Variants in MAPRE3 observed in about 807,000 individuals in gnomAD.
The protein encoded by MAPRE3 is microtubule-associated protein RP/EB family member 3.
MAPRE3 carries 2 observed loss-of-function variants against 30.5 expected under a neutral mutation model. The ratio of observed to expected loss-of-function variants is 0.07; its 90% CI spans 0.03 to 0.21. The LOEUF is 0.21. Ranked by LOEUF, MAPRE3 falls within the 10% of genes least tolerant of loss-of-function variation. The pLI is 1.00. For missense variants in MAPRE3, 204 were observed against 351.8 expected (o/e 0.58, Z 3.36); for synonymous variants, 110 against 127.7 (o/e 0.86, Z 0.93).
intron 1 of MAPRE3, among the ~76,000 whole-genome samples, chr2:26,976,495 A>T (rs1282885612): frequency 6.6e-6 from 1 of 152,140 alleles, no homozygotes; most frequent in Non-Finnish European, 1.5e-5. Context: ...GTGGCCACGG[A>T]TGGTTTTTCT....
chr2:27,023,656 C>A, intron 3 of MAPRE3, 179 bp downstream of exon 3: 1 of 674,800 alleles, frequency 1.5e-6, no homozygotes, highest in Non-Finnish European at 2.6e-6. Context: ...AAGCCCACAA[C>A]ACTTGCCATG....
In MAPRE3 at chr2:27,025,667, G is replaced by C; in HGVS notation, c.554G>C (p.Arg185Pro). The C allele has an allele frequency of 6.2e-7, 1 of 1,613,424 alleles. No homozygotes were observed. Among genetic ancestry groups the C allele is most frequent in the Non-Finnish European group, 8.5e-7 (1 of 1,179,628 alleles). ...AATGTGGCCCCCCCCTGCATTCTCC[G>C]GAAGAATCCTCCATCAGCCCGAAAT... Reference protein sequence around the residue: ...LSNVAPPCILRKNPPSARNGG... With the variant: ...LSNVAPPCILPKNPPSARNGG... The change falls in exon 5 of 7, where the codon CGG becomes CCG. Residue 185 changes from arginine to proline, a missense_variant. Arg to Pro is a moderately radical substitution (Grantham distance 103). Around this residue, in one of 5 missense-constraint regions of MAPRE3, gnomAD observed 42 missense variants for 81.2 expected, o/e 0.52. Transcript: ENST00000233121.
At chr2:26,981,019 A>T (rs192815842) in intron 1 of MAPRE3, among the ~76,000 whole-genome samples, 12 of 152,248 alleles carry the variant, frequency 7.9e-5, no homozygotes, top group Admixed American at 7.9e-4. Context: ...TCCTAAGAAA[A>T]GACCTTTCTT....
chr2:27,020,219 G>T (rs1667081888), intron 1 of MAPRE3, among the ~76,000 whole-genome samples: 1 of 152,192 alleles, frequency 6.6e-6, no homozygotes, highest in Non-Finnish European at 1.5e-5. Context: ...AAGAGGTGGG[G>T]TCCCCTTATG....
rs116570295 is a variant in MAPRE3 at position 27,019,607 on chromosome 2, G to A, written c.-7-2605G>A. 6.4e-3 allele frequency among the ~76,000 whole-genome samples: 980 copies of A among 152,344 alleles called. 7 individuals carry two copies. The highest frequency in any genetic ancestry group is 0.019 in the South Asian group (91 of 4,826). On this transcript the variant is annotated intron_variant, in intron 1 of 6. Coordinates refer to ENST00000233121, the MANE Select transcript of MAPRE3 (RefSeq NM_012326.4). ...TGGGCGCAGAGACGTTGTGGAGGAGGAAACTCAAGTGCAGTCAACATTACT... is the reference window on the plus strand; with the variant it reads ...TGGGCGCAGAGACGTTGTGGAGGAGAAAACTCAAGTGCAGTCAACATTACT...
At chr2:26,987,874 C>T (rs1045316667) in intron 1 of MAPRE3, among the ~76,000 whole-genome samples, 2 of 152,188 alleles carry the variant, frequency 1.3e-5, no homozygotes, top group Non-Finnish European at 2.9e-5. Context: ...ATGGTGCATG[C>T]CTCGGAAACT....
intron 1 of MAPRE3, among the ~76,000 whole-genome samples, chr2:26,991,486 A>G (rs1215313338): frequency 1.3e-5 from 2 of 152,194 alleles, no homozygotes; most frequent in East Asian, 1.9e-4. Context: ...GTTGGTGACA[A>G]TTGGCTACAA....
intron 1 of MAPRE3, among the ~76,000 whole-genome samples, chr2:27,001,077 C>T (rs924106759): frequency 6.6e-5 from 10 of 152,200 alleles, no homozygotes; most frequent in African/African-American, 2.4e-4. Flanking sequence ...GAATATACTT[C>T]ACATTTTTCT....
chr2:27,022,927 G>C (rs1035709228), intron 2 of MAPRE3: 4 of 169,406 alleles, frequency 2.4e-5, no homozygotes, highest in African/African-American at 4.8e-5. Context: ...GGAGCTGAGA[G>C]CCAGGATGGC....
Position 27,024,311 on chromosome 2 carries a change from G to T in MAPRE3, c.469+14G>T. ...TTGGCACAGCAGGTAACGTGCCCGA[G>T]CCGGGGGAGGGAGCGTGGGGGGCCG... On this transcript the variant is annotated intron_variant, in intron 4 of 6. Transcript: ENST00000233121. 1 of 1,610,840 alleles carries T rather than the reference G, an allele frequency of 6.2e-7. No homozygotes were observed. The highest frequency in any genetic ancestry group is 1.3e-5 in the African/African-American group (1 of 74,968).
chr2:26,976,571 C>T (rs149988309), intron 1 of MAPRE3, among the ~76,000 whole-genome samples: 4 of 152,346 alleles, frequency 2.6e-5, no homozygotes, highest in Non-Finnish European at 4.4e-5. Context: ...GCACCATGCC[C>T]TACCAGCTTT....
chr2:27,022,071 C>A, intron 1 of MAPRE3, 141 bp from the exon 2 acceptor site: 1 of 889,334 alleles, frequency 1.1e-6, no homozygotes, highest in Non-Finnish European at 1.7e-6. Context: ...GGAATAAAGA[C>A]CCTCCCTCTG....
chr2:26,990,691 C>A (rs1040758392), intron 1 of MAPRE3, among the ~76,000 whole-genome samples: 1 of 152,132 alleles, frequency 6.6e-6, no homozygotes, highest in Non-Finnish European at 1.5e-5. Flanking sequence ...ATTTTATGCA[C>A]CTCTGTGTTT....
At chr2:27,021,769 G>T (rs1667114571) in intron 1 of MAPRE3, among the ~76,000 whole-genome samples, 2 of 152,148 alleles carry the variant, frequency 1.3e-5, no homozygotes, top group South Asian at 4.1e-4. Flanking sequence ...TAGTCCCTGT[G>T]GCTGAAATGC....
chr2:26,995,637 TAAATA>T (rs1666435382), intron 1 of MAPRE3: 1 of 152,098 alleles, frequency 6.6e-6, no homozygotes, highest in South Asian at 2.1e-4. Context: ...CTGGCCTAAA[TAAATA>T]AAAGAAAAAA....
rs1666113611 is a variant in MAPRE3 at position 26,981,623 on chromosome 2, G to A, written c.-8+10821G>A. Among the ~76,000 whole-genome samples, 3 of 152,324 alleles carry A rather than the reference G, an allele frequency of 2.0e-5. No homozygotes were observed. In the South Asian group the frequency reaches 6.2e-4, roughly 32 times the overall value. ...TATTTGAAATCTCAGGAGTCGAGCT[G>A]TGCCTTCCGGGTGTGGCTGGATTGC... is the stretch of plus-strand genomic sequence containing the variant. On this transcript the variant is annotated intron_variant, in intron 1 of 6. Transcript: ENST00000233121.
chr2:27,017,733 A>C (rs1667020115), intron 1 of MAPRE3, among the ~76,000 whole-genome samples: 1 of 152,224 alleles, frequency 6.6e-6, no homozygotes, highest in Non-Finnish European at 1.5e-5. Flanking sequence ...CTAAGTATGC[A>C]TATCAAATGA....
At position 26,989,955 on chromosome 2, in the gene MAPRE3, G is replaced by A. The variant is rs568139115; in HGVS notation, c.-8+19153G>A. On this transcript the variant is annotated intron_variant, in intron 1 of 6. Transcript: ENST00000233121. ...GCACTTTGAGAAGCCGAGGTGGGAC[G>A]ATTACTTGAGGCCAGGAGCTCAAGA... Among the ~76,000 whole-genome samples the A allele has an allele frequency of 7.0e-4, 106 of 152,284 alleles. 1 individual carries two copies. Among genetic ancestry groups the A allele is most frequent in the South Asian group, 1.2e-3 (6 of 4,826 alleles).
chr2:26,976,988 G>A (rs1404718785), intron 1 of MAPRE3, among the ~76,000 whole-genome samples: 1 of 152,192 alleles, frequency 6.6e-6, no homozygotes, highest in African/African-American at 2.4e-5. Flanking sequence ...CAGCAACTGA[G>A]GATTGGTCAG....
Sources: gnomAD v4.1 joint callset for allele counts (sites outside exome capture counted in the v4.1 genomes callset) on GRCh38, gnomAD v4.1.1 for gene constraint, gnomAD v4.1.1 regional missense constraint, MANE v1.5 for transcripts, NCBI Gene and HGNC (gene_info 2026-07-23, HGNC 2026-07-21) for gene names.